PTPRM: variants seen among roughly 807,000 people sequenced by gnomAD.
PTPRM encodes protein tyrosine phosphatase receptor type M, also known as receptor-type tyrosine-protein phosphatase mu.
PTPRM carries 47 observed loss-of-function variants against 186.7 expected under a neutral mutation model. That is an observed-to-expected ratio of 0.25 (90% confidence interval 0.20 to 0.32). The LOEUF (loss-of-function observed/expected upper bound fraction) is 0.32, where lower values mean the gene tolerates loss of function less well. PTPRM is among the 10% of genes least tolerant of loss of function. The pLI, the probability that PTPRM is intolerant of heterozygous loss-of-function variation, is 1.00. For synonymous variants in PTPRM, 668 were observed against 674.9 expected (o/e 0.99, Z 0.16); for missense variants, 1,494 against 1,865.0 (o/e 0.80, Z 3.66).
chr18:7,889,467 G>A (rs186469592), intron 3 of PTPRM, among the ~76,000 whole-genome samples: 90 of 150,954 alleles, frequency 6.0e-4, no homozygotes, highest in African/African-American at 1.9e-3. Context: ...CTCCCAAGTA[G>A]CTGGAACTAT....
At chr18:8,128,805 T>A in intron 13 of PTPRM, among the ~76,000 whole-genome samples, 1 of 152,198 alleles carries the variant, frequency 6.6e-6, no homozygotes, top group East Asian at 1.9e-4. Flanking sequence ...ATTTGTATTA[T>A]GTAAACTTAA....
At chr18:8,191,485 C>A (rs1183521465) in intron 14 of PTPRM, among the ~76,000 whole-genome samples, 3 of 152,124 alleles carry the variant, frequency 2.0e-5, no homozygotes, top group African/African-American at 7.2e-5. Context: ...AATAGGAAAC[C>A]ACCATGCTGA....
chr18:7,634,721 G>A (rs1988874679), intron 1 of PTPRM, among the ~76,000 whole-genome samples: 1 of 152,086 alleles, frequency 6.6e-6, no homozygotes, highest in African/African-American at 2.4e-5. Flanking sequence ...TTTCATTTCA[G>A]ATCTATTGTT....
intron 14 of PTPRM, among the ~76,000 whole-genome samples, chr18:8,155,620 C>T (rs2093104528): frequency 6.6e-6 from 1 of 152,104 alleles, no homozygotes; most frequent in Non-Finnish European, 1.5e-5. Flanking sequence ...GCTAGCACTA[C>T]CAAGAAAAAT....
chr18:8,181,581 T>C (rs1177761854), intron 14 of PTPRM, among the ~76,000 whole-genome samples: 1 of 152,230 alleles, frequency 6.6e-6, no homozygotes, highest in Non-Finnish European at 1.5e-5. Flanking sequence ...GAAAGCCTTC[T>C]GTCTTGGGCA....
chr18:8,382,165 C>T, intron 29 of PTPRM, among the ~76,000 whole-genome samples: 1 of 152,158 alleles, frequency 6.6e-6, no homozygotes, highest in East Asian at 1.9e-4. Flanking sequence ...AAGAATAGCA[C>T]TCAACTATTT....
At chr18:8,284,132 A>C (rs1257985566) in intron 19 of PTPRM, among the ~76,000 whole-genome samples, 1 of 152,316 alleles carries the variant, frequency 6.6e-6, no homozygotes, top group East Asian at 1.9e-4. Flanking sequence ...CTCCAAGGGC[A>C]TTAGCTCTCG....
chr18:7,956,501 T>C (rs1396669324), intron 7 of PTPRM, among the ~76,000 whole-genome samples: 1 of 152,220 alleles, frequency 6.6e-6, no homozygotes, highest in Non-Finnish European at 1.5e-5. Flanking sequence ...TGGGGATACA[T>C]GCTATTGAGT....
chr18:7,930,824 C>G (rs1299910496), intron 5 of PTPRM, among the ~76,000 whole-genome samples: 1 of 151,990 alleles, frequency 6.6e-6, no homozygotes, highest in Admixed American at 6.6e-5. Flanking sequence ...GAGTCTTTCA[C>G]AATAACGTAA....
chr18:8,025,827 G>T (rs182393367), intron 7 of PTPRM, among the ~76,000 whole-genome samples: 4 of 152,124 alleles, frequency 2.6e-5, no homozygotes, highest in African/African-American at 9.7e-5. Flanking sequence ...AAACTCCAAG[G>T]ATTTCTTTTT....
chr18:8,042,202 T>C (rs947703693), intron 7 of PTPRM, among the ~76,000 whole-genome samples: 1 of 152,178 alleles, frequency 6.6e-6, no homozygotes, highest in African/African-American at 2.4e-5. Context: ...TTAAAATACA[T>C]TAGAATTTAA....
chr18:8,401,847 G>T (rs554159325), intron 32 of PTPRM, among the ~76,000 whole-genome samples: 67 of 152,372 alleles, frequency 4.4e-4, no homozygotes, highest in African/African-American at 1.6e-3. Context: ...CATAGGTACA[G>T]GAAGTCTGAT....
chr18:7,985,054 T>G (rs1417098290), intron 7 of PTPRM, among the ~76,000 whole-genome samples: 1 of 123,856 alleles, frequency 8.1e-6, no homozygotes, highest in Non-Finnish European at 1.6e-5. Flanking sequence ...TATAATTATA[T>G]ATACATATAA....
intron 21 of PTPRM, among the ~76,000 whole-genome samples, chr18:8,315,288 T>C (rs1568730758): frequency 6.6e-6 from 1 of 152,224 alleles, no homozygotes; most frequent in Admixed American, 6.5e-5. Context: ...AACTCTCTAA[T>C]TCCTAATACG....
rs145637850 is a variant in PTPRM at position 7,716,868 on chromosome 18, A to G, written c.74-57281A>G. On this transcript the variant is annotated intron_variant, in intron 1 of 32. Transcript: ENST00000580170. The stretch of plus-strand genomic sequence containing the variant: ...AATGTGGAGACATAGGAATGCTTTT[A>G]CACTGTTGATGGAGTGTAAATTAGT... 3.0e-3 allele frequency among the ~76,000 whole-genome samples: 453 copies of G among 152,330 alleles called. 2 individuals carry two copies. Among genetic ancestry groups the G allele is most frequent in the Middle Eastern group, 0.017 (5 of 294 alleles).
At chr18:7,700,636 A>G (rs1217291662) in intron 1 of PTPRM, among the ~76,000 whole-genome samples, 3 of 152,194 alleles carry the variant, frequency 2.0e-5, no homozygotes, top group Non-Finnish European at 4.4e-5. Flanking sequence ...CCACAAAATT[A>G]TTCTTAAGAA....
At chr18:7,582,023 G>A (rs1476242106) in intron 1 of PTPRM, among the ~76,000 whole-genome samples, 1 of 152,068 alleles carries the variant, frequency 6.6e-6, no homozygotes, top group East Asian at 1.9e-4. Flanking sequence ...AGGTAGAAAT[G>A]TGTACAAATC....
intron 19 of PTPRM, among the ~76,000 whole-genome samples, chr18:8,285,851 G>A (rs2094951345): frequency 6.6e-6 from 1 of 152,040 alleles, no homozygotes; most frequent in African/African-American, 2.4e-5. Context: ...AATTAGCTGG[G>A]CATGGTTGTG....
At chr18:8,216,997 C>T (rs544962659) in intron 14 of PTPRM, among the ~76,000 whole-genome samples, 6 of 152,258 alleles carry the variant, frequency 3.9e-5, no homozygotes, top group East Asian at 1.9e-4. Context: ...GAAATAGCTT[C>T]GCGTAGAGTA....
Sources: allele counts gnomAD v4.1 joint callset (sites outside exome capture counted in the v4.1 genomes callset), GRCh38; gene constraint gnomAD v4.1.1; transcripts MANE v1.5; gene names NCBI Gene and HGNC (gene_info 2026-07-23, HGNC 2026-07-21).